The following NME9 variants were observed in gnomAD, a reference collection of about 807,000 sequenced individuals.
NME9 encodes the protein NME/NM23 family member 9.
Under a neutral mutation model 44.4 loss-of-function variants are expected in NME9, and 48 were observed. The observed-to-expected ratio is 1.08, with a 90% confidence interval of 0.86 to 1.37. The LOEUF (loss-of-function observed/expected upper bound fraction) is 1.37, where lower values mean the gene tolerates loss of function less well. Ranked by LOEUF, NME9 falls within the 40% of genes most tolerant of loss-of-function variation. The pLI is 0.00. For missense variants in NME9, 325 were observed against 405.2 expected, an observed-to-expected ratio of 0.80 and a Z score of 1.70; for synonymous variants, 139 against 147.1, an observed-to-expected ratio of 0.94 and a Z score of 0.40.
chr3:138,287,549 A>G, intron 8 of NME9: 1 of 447,078 alleles, frequency 2.2e-6, no homozygotes, highest in South Asian at 1.6e-5. Context: ...TTGTTATAGT[A>G]TATACAAGCT....
At chr3:138,264,645 C>G (rs535992647) in intron 8 of NME9, among the ~76,000 whole-genome samples, 63 of 151,784 alleles carry the variant, frequency 4.2e-4, no homozygotes, top group African/African-American at 1.3e-3. Flanking sequence ...GTCTTGAACT[C>G]CTGACCACGT....
chr3:138,299,240 T>G (rs1049652078), downstream of NME9, among the ~76,000 whole-genome samples: 2 of 152,154 alleles, frequency 1.3e-5, no homozygotes, highest in African/African-American at 4.8e-5. Context: ...CAAGGGCCAC[T>G]GAGTGGACTA....
chr3:138,295,325 T>C (rs951559034), intron 8 of NME9, among the ~76,000 whole-genome samples: 6 of 152,220 alleles, frequency 3.9e-5, no homozygotes, highest in East Asian at 1.9e-4. Flanking sequence ...ATTGTAGCCT[T>C]CTTCCACGGT....
At chr3:138,329,228 G>T in intron 1 of NME9, 75 bp downstream of exon 1, 3 of 1,309,784 alleles carry the variant, frequency 2.3e-6, no homozygotes, top group Non-Finnish European at 3.2e-6. Flanking sequence ...CTTTTATACT[G>T]CAACCCCGCT....
At chr3:138,285,431 TC>T (rs1241494724) in intron 8 of NME9, among the ~76,000 whole-genome samples, 19 of 152,156 alleles carry the variant, frequency 1.2e-4, no homozygotes, top group Admixed American at 1.2e-3. Flanking sequence ...ATTCCTCTCT[TC>T]CTTTGTTCAC....
intron 4 of NME9, 59 bp from the exon 5 acceptor site, chr3:138,315,702 G>GATTAAT: frequency 7.5e-7 from 1 of 1,337,330 alleles, no homozygotes; most frequent in Non-Finnish European, 1.0e-6. Context: ...TCTTGTAAGA[G>GATTAAT]ATGGCAAGAG....
At chr3:138,287,510 G>T (rs1336532285) in intron 8 of NME9, 10 of 359,988 alleles carry the variant, frequency 2.8e-5, no homozygotes, top group South Asian at 4.3e-5. Context: ...ATTGAATGAT[G>T]AATAAACTTA....
At chr3:138,298,937 T>C (rs924110900), downstream of NME9, among the ~76,000 whole-genome samples, 1 of 152,082 alleles carries the variant, frequency 6.6e-6, no homozygotes, top group Non-Finnish European at 1.5e-5. Context: ...TGGGAACCTC[T>C]GAGAGGACCC....
chr3:138,262,596 TTA>T, intron 8 of NME9: 1 of 1,547,174 alleles, frequency 6.5e-7, no homozygotes, highest in Admixed American at 2.0e-5. Flanking sequence ...CCTGAGGAGA[TTA>T]AAAAAAAAAA....
intron 8 of NME9, chr3:138,262,719 G>C: frequency 1.1e-6 from 1 of 897,714 alleles, no homozygotes; most frequent in Non-Finnish European, 1.6e-6. Flanking sequence ...TCTTCTGCAA[G>C]GACAACCAAG....
intron 8 of NME9, among the ~76,000 whole-genome samples, chr3:138,291,598 C>T (rs988543345): frequency 2.0e-5 from 3 of 152,152 alleles, no homozygotes; most frequent in African/African-American, 7.2e-5. Flanking sequence ...AACACAGTAT[C>T]AGGTGATGAG....
chr3:138,265,956 A>T (rs928052320), intron 8 of NME9, among the ~76,000 whole-genome samples: 4 of 152,206 alleles, frequency 2.6e-5, no homozygotes, highest in Non-Finnish European at 5.9e-5. Context: ...GGAATGATAG[A>T]TTGAGTGTAT....
At chr3:138,299,997 C>T (rs903829813), downstream of NME9, among the ~76,000 whole-genome samples, 34 of 152,272 alleles carry the variant, frequency 2.2e-4, no homozygotes, top group African/African-American at 7.5e-4. Flanking sequence ...AGTCGTTTGC[C>T]ACTCGTGAAG....
At chr3:138,263,459 C>G (rs1004789426) in intron 8 of NME9, 3 of 407,056 alleles carry the variant, frequency 7.4e-6, no homozygotes, top group Non-Finnish European at 1.4e-5. Context: ...AACACCTCTG[C>G]AGTACTTATA....
chr3:138,286,132 G>T (rs1259741398), intron 8 of NME9, among the ~76,000 whole-genome samples: 1 of 152,060 alleles, frequency 6.6e-6, no homozygotes, highest in East Asian at 1.9e-4. Context: ...TAGAAGAGAT[G>T]GGGTTTCACC....
chr3:138,293,199 G>A (rs75268451), intron 8 of NME9, among the ~76,000 whole-genome samples: 1,574 of 152,306 alleles, frequency 0.01, 25 homozygotes, highest in African/African-American at 0.036. Context: ...AAGCACACAG[G>A]ACAGGCTAGG....
chr3:138,325,034 C>G (rs2053693837), intron 1 of NME9, 104 bp from the exon 2 acceptor site: 1 of 900,026 alleles, frequency 1.1e-6, no homozygotes, highest in South Asian at 1.4e-5. Context: ...GAAATACTTA[C>G]AAGTACAGTT....
intron 1 of NME9, among the ~76,000 whole-genome samples, chr3:138,327,552 G>T (rs1377844377): frequency 6.6e-6 from 1 of 152,182 alleles, no homozygotes; most frequent in African/African-American, 2.4e-5. Context: ...GGAATGAATA[G>T]GGAATGTGTG....
At chr3:138,325,172 T>C (rs918016431) in intron 1 of NME9, among the ~76,000 whole-genome samples, 1 of 152,228 alleles carries the variant, frequency 6.6e-6, no homozygotes, top group Non-Finnish European at 1.5e-5. Context: ...TTACATGTTA[T>C]TTGTCCAGGA....
Sources: gnomAD v4.1 joint callset for allele counts (sites outside exome capture counted in the v4.1 genomes callset) on GRCh38, gnomAD v4.1.1 for gene constraint, MANE v1.5 for transcripts, NCBI Gene and HGNC (gene_info 2026-07-23, HGNC 2026-07-21) for gene names.